The following MGLL variants were observed in gnomAD, a reference collection of about 807,000 sequenced individuals.
The protein encoded by MGLL is lysophospholipase homolog.
MGLL carries 7 observed loss-of-function variants against 29.1 expected under a neutral mutation model. The observed-to-expected ratio is 0.24, with a 90% CI of 0.14 to 0.45. The LOEUF is 0.45. Among genes scored for constraint, MGLL ranks in the 20% least tolerant of loss-of-function variants. The pLI, the probability that MGLL is intolerant of heterozygous loss-of-function variation, is 0.99. For missense variants in MGLL, 356 were observed against 413.6 expected (o/e 0.86, Z 1.21); for synonymous variants, 148 against 168.3 (o/e 0.88, Z 0.93).
intron 3 of MGLL, among the ~76,000 whole-genome samples, chr3:127,744,790 A>C (rs149998662): frequency 2.0e-5 from 3 of 152,342 alleles, no homozygotes; most frequent in Admixed American, 2.0e-4. Context: ...AAAATCTCCT[A>C]TACTGTATAT....
intron 5 of MGLL, among the ~76,000 whole-genome samples, 188 bp downstream of exon 5, chr3:127,720,865 T>C (rs1283870561): frequency 1.3e-5 from 2 of 152,186 alleles, no homozygotes; most frequent in African/African-American, 2.4e-5. Flanking sequence ...TGGGGGAAAA[T>C]GGCACCTGCC....
At chr3:127,747,307 C>CA (rs2076466388) in intron 3 of MGLL, among the ~76,000 whole-genome samples, 1 of 152,162 alleles carries the variant, frequency 6.6e-6, no homozygotes, top group Admixed American at 6.5e-5. Context: ...TGAAACACCC[C>CA]TCCACCCTGT....
At chr3:127,765,753 C>A (rs1425773981) in intron 3 of MGLL, among the ~76,000 whole-genome samples, 1 of 152,242 alleles carries the variant, frequency 6.6e-6, no homozygotes, top group Non-Finnish European at 1.5e-5. Context: ...GCAGGAACGG[C>A]CGCATGTGGC....
At chr3:127,719,038 A>T (rs560116189) in intron 5 of MGLL, among the ~76,000 whole-genome samples, 7 of 152,310 alleles carry the variant, frequency 4.6e-5, no homozygotes, top group Admixed American at 1.3e-4. Flanking sequence ...AGTCTGGGGC[A>T]AAGGGAAACC....
chr3:127,712,691 C>T (rs2075740936), intron 5 of MGLL: 1 of 152,310 alleles, frequency 6.6e-6, no homozygotes, highest in Non-Finnish European at 1.5e-5. Context: ...GGCAGCCTGA[C>T]TTTGAGCACT....
At chr3:127,723,660 A>G (rs2075978486) in intron 3 of MGLL, among the ~76,000 whole-genome samples, 1 of 152,084 alleles carries the variant, frequency 6.6e-6, no homozygotes, top group Admixed American at 6.6e-5. Flanking sequence ...CTCTTTTAAA[A>G]TTTATTTTTA....
intron 2 of MGLL, among the ~76,000 whole-genome samples, chr3:127,798,414 T>A (rs1287631967): frequency 2.6e-5 from 4 of 152,198 alleles, no homozygotes; most frequent in Non-Finnish European, 5.9e-5. Flanking sequence ...CGAAGTACCC[T>A]GCTGGGACCC....
chr3:127,782,968 C>G (rs1387527105), intron 2 of MGLL, among the ~76,000 whole-genome samples: 2 of 151,902 alleles, frequency 1.3e-5, no homozygotes, highest in Non-Finnish European at 2.9e-5. Flanking sequence ...GCGGGCAGAT[C>G]ACTTGAGACC....
At chr3:127,743,891 G>A (rs1006737083) in intron 3 of MGLL, among the ~76,000 whole-genome samples, 2 of 152,024 alleles carry the variant, frequency 1.3e-5, no homozygotes, top group South Asian at 2.1e-4. Flanking sequence ...TTCAATCCAC[G>A]GCCACTCAGC....
chr3:127,707,669 TG>T (rs2075628717), intron 6 of MGLL, among the ~76,000 whole-genome samples: 1 of 152,236 alleles, frequency 6.6e-6, no homozygotes, highest in Admixed American at 6.5e-5. Flanking sequence ...ACTGACTTCC[TG>T]GGGTCATGGT....
chr3:127,756,923 C>T (rs888226345), intron 3 of MGLL, among the ~76,000 whole-genome samples: 4 of 152,182 alleles, frequency 2.6e-5, no homozygotes, highest in African/African-American at 7.2e-5. Flanking sequence ...AGGAAGACCT[C>T]CTCCATCCAT....
chr3:127,779,932 C>A (rs547717269), intron 3 of MGLL, among the ~76,000 whole-genome samples: 2 of 152,208 alleles, frequency 1.3e-5, no homozygotes, highest in Admixed American at 1.3e-4. Context: ...AAGTCACACA[C>A]GCACAGTCAA....
At chr3:127,800,177 T>G (rs2077451207) in intron 2 of MGLL, among the ~76,000 whole-genome samples, 1 of 152,172 alleles carries the variant, frequency 6.6e-6, no homozygotes. Context: ...TAAGTGGTGG[T>G]GGGGCAACAA....
chr3:127,742,308 G>A (rs1365639995), intron 3 of MGLL, among the ~76,000 whole-genome samples: 1 of 152,056 alleles, frequency 6.6e-6, no homozygotes, highest in East Asian at 1.9e-4. Flanking sequence ...ACAGAAGGCA[G>A]GCCAGGCGCA....
At chr3:127,795,574 TGAG>T in intron 2 of MGLL, among the ~76,000 whole-genome samples, 1 of 152,084 alleles carries the variant, frequency 6.6e-6, no homozygotes. Context: ...AAAAAAAATA[TGAG>T]GAGATGATGA....
intron 5 of MGLL, chr3:127,712,661 T>G (rs1473158671): frequency 6.6e-6 from 1 of 152,254 alleles, no homozygotes; most frequent in South Asian, 2.1e-4. Context: ...CGACTTTGAC[T>G]GTCTAGTATA....
intron 3 of MGLL, among the ~76,000 whole-genome samples, chr3:127,744,553 C>T (rs1475494925): frequency 2.0e-5 from 3 of 152,190 alleles, no homozygotes; most frequent in African/African-American, 7.2e-5. Context: ...ATGAAAGTTG[C>T]ATATACAGAA....
At chr3:127,736,272 T>G (rs937027058) in intron 3 of MGLL, 1 of 985,740 alleles carries the variant, frequency 1.0e-6, no homozygotes, top group African/African-American at 1.7e-5. Context: ...TACTCTAGGA[T>G]GTGAGATACT....
chr3:127,727,419 A>C (rs2076066219), intron 3 of MGLL, among the ~76,000 whole-genome samples: 1 of 152,174 alleles, frequency 6.6e-6, no homozygotes, highest in South Asian at 2.1e-4. Flanking sequence ...TCAACTATAA[A>C]TCAATGTTCT....
Sources: gnomAD v4.1 joint callset for allele counts (sites outside exome capture counted in the v4.1 genomes callset) on GRCh38, gnomAD v4.1.1 for gene constraint, MANE v1.5 for transcripts, NCBI Gene and HGNC (gene_info 2026-07-23, HGNC 2026-07-21) for gene names.